The following GRIK2 variants were observed in gnomAD, a reference collection of about 807,000 sequenced individuals.
The protein encoded by GRIK2 is glutamate ionotropic receptor kainate type subunit 2.
In GRIK2, 32 loss-of-function variants were observed where a neutral mutation model predicts 100.3. The observed-to-expected ratio is 0.32, with a 90% CI of 0.24 to 0.43. The LOEUF (loss-of-function observed/expected upper bound fraction) is 0.43. Among genes scored for constraint, GRIK2 ranks in the 20% least tolerant of loss-of-function variants. GRIK2 has a pLI of 1.00. For missense variants in GRIK2, 843 were observed against 1,114.9 expected (o/e 0.76, Z 3.47); for synonymous variants, 417 against 389.4 (o/e 1.07, Z -0.83).
chr6:101,457,119 A>G (rs1222943492), intron 2 of GRIK2, among the ~76,000 whole-genome samples: 1 of 152,188 alleles, frequency 6.6e-6, no homozygotes, highest in African/African-American at 2.4e-5. Flanking sequence ...AGTAAAAATG[A>G]CATGCTTGTT....
chr6:101,419,383 G>T (rs1287244219), intron 2 of GRIK2, among the ~76,000 whole-genome samples: 5 of 152,130 alleles, frequency 3.3e-5, no homozygotes, highest in Non-Finnish European at 7.4e-5. Flanking sequence ...AGGGGTGGAG[G>T]TATTTGGGCC....
chr6:101,799,933 A>G, intron 8 of GRIK2, 142 bp downstream of exon 8: 1 of 643,336 alleles, frequency 1.6e-6, no homozygotes, highest in Non-Finnish European at 2.7e-6. Context: ...AGCAAAATTA[A>G]CATTTTTACT....
intron 4 of GRIK2, among the ~76,000 whole-genome samples, chr6:101,633,182 A>G (rs1302430393): frequency 2.0e-5 from 3 of 152,126 alleles, no homozygotes; most frequent in Admixed American, 6.6e-5. Context: ...CTACATGGTT[A>G]TAGCAATATC....
chr6:101,399,543 G>A, intron 2 of GRIK2, 151 bp downstream of exon 2: 1 of 612,382 alleles, frequency 1.6e-6, no homozygotes. Flanking sequence ...AACTCCTTGT[G>A]CTTTCATTTC....
chr6:101,438,765 C>G (rs1440468752), intron 2 of GRIK2, among the ~76,000 whole-genome samples: 1 of 152,060 alleles, frequency 6.6e-6, no homozygotes, highest in African/African-American at 2.4e-5. Context: ...GAACAATGTG[C>G]TTTAAAATCA....
intron 2 of GRIK2, among the ~76,000 whole-genome samples, chr6:101,575,714 C>G (rs562313414): frequency 2.0e-5 from 3 of 151,998 alleles, no homozygotes; most frequent in Admixed American, 2.0e-4. Context: ...TAAGCCTTAG[C>G]TTTATAATCT....
At chr6:101,751,008 C>T (rs1447896468) in intron 7 of GRIK2, among the ~76,000 whole-genome samples, 1 of 152,164 alleles carries the variant, frequency 6.6e-6, no homozygotes, top group Non-Finnish European at 1.5e-5. Flanking sequence ...TATTTTGAAG[C>T]AAAACATTGA....
chr6:101,565,952 TATATATAA>T (rs1777247123), intron 2 of GRIK2, among the ~76,000 whole-genome samples: 2 of 144,490 alleles, frequency 1.4e-5, no homozygotes, highest in Admixed American at 6.9e-5. Context: ...TATATATATA[TATATATAA>T]GCAAACTAGA....
chr6:101,651,695 A>G lies in GRIK2; in HGVS notation c.542-24928A>G, dbSNP rs566609549. Among the ~76,000 whole-genome samples the G allele has an allele frequency of 2.1e-4, 32 of 152,224 alleles. No individual in the cohort carries two copies. In the South Asian group the frequency reaches 5.6e-3, roughly 27 times the overall value. ...ATTAAAGTGAGAACTTAAAAAATGG[A>G]GTTGCCATCAGCTGACTGGGAAGGC... On this transcript the variant is annotated intron_variant, in intron 4 of 16. Transcript: ENST00000369134.
chr6:101,532,726 A>G (rs1224358088), intron 2 of GRIK2, among the ~76,000 whole-genome samples: 1 of 151,766 alleles, frequency 6.6e-6, no homozygotes, highest in East Asian at 1.9e-4. Context: ...TATATAATGG[A>G]ATCTTAAAAA....
intron 10 of GRIK2, among the ~76,000 whole-genome samples, chr6:101,846,007 G>GT (rs141274825): frequency 0.076 from 11,168 of 146,134 alleles, 997 homozygotes; most frequent in African/African-American, 0.23. Flanking sequence ...AAACAGCATT[G>GT]TTTTTTTTTT....
chr6:101,408,711 C>T (rs549579187), intron 2 of GRIK2, among the ~76,000 whole-genome samples: 111 of 152,166 alleles, frequency 7.3e-4, no homozygotes, highest in African/African-American at 2.5e-3. Context: ...ACCCACATTA[C>T]GGAGGGCAAT....
intron 14 of GRIK2, among the ~76,000 whole-genome samples, chr6:101,982,201 T>C (rs899687199): frequency 2.0e-4 from 31 of 152,006 alleles, no homozygotes; most frequent in African/African-American, 6.7e-4. Context: ...CCTTAACTTT[T>C]GTGGTTGCAG....
At chr6:101,564,884 A>G (rs1186840999) in intron 2 of GRIK2, among the ~76,000 whole-genome samples, 1 of 152,102 alleles carries the variant, frequency 6.6e-6, no homozygotes, top group Non-Finnish European at 1.5e-5. Context: ...CTCTGCCAAT[A>G]CAACACTGTT....
chr6:101,550,087 G>A (rs1435985351), intron 2 of GRIK2, among the ~76,000 whole-genome samples: 2 of 152,068 alleles, frequency 1.3e-5, no homozygotes, highest in East Asian at 3.9e-4. Flanking sequence ...AAGCTCTATT[G>A]CTAAGATGCA....
intron 2 of GRIK2, among the ~76,000 whole-genome samples, chr6:101,445,611 C>G (rs1426673946): frequency 6.6e-6 from 1 of 152,098 alleles, no homozygotes; most frequent in African/African-American, 2.4e-5. Flanking sequence ...TTTCATCTTT[C>G]CATTGCCCTA....
At chr6:101,469,146 C>A (rs1771812643) in intron 2 of GRIK2, among the ~76,000 whole-genome samples, 1 of 151,952 alleles carries the variant, frequency 6.6e-6, no homozygotes, top group Non-Finnish European at 1.5e-5. Context: ...GGTTACAAAC[C>A]CACAATAGAG....
chr6:101,608,943 C>T (rs2128312593), intron 2 of GRIK2, among the ~76,000 whole-genome samples: 1 of 151,854 alleles, frequency 6.6e-6, no homozygotes, highest in Admixed American at 6.6e-5. Context: ...TCACTGTAAA[C>T]ATTTTGGTCA....
chr6:101,986,365 G>GA, intron 14 of GRIK2, among the ~76,000 whole-genome samples: 1 of 151,786 alleles, frequency 6.6e-6, no homozygotes, highest in East Asian at 1.9e-4. Context: ...TTCACACTCA[G>GA]AAAAAGTGAT....
Sources: gnomAD v4.1 joint callset for allele counts (sites outside exome capture counted in the v4.1 genomes callset) on GRCh38, gnomAD v4.1.1 for gene constraint, MANE v1.5 for transcripts, NCBI Gene and HGNC (gene_info 2026-07-23, HGNC 2026-07-21) for gene names.